The following EVL variants were observed in gnomAD, a reference collection of about 807,000 sequenced individuals.
The protein encoded by EVL is ena/VASP-like protein.
In EVL, 21 loss-of-function variants were observed where a neutral mutation model predicts 59.6. The ratio of observed to expected loss-of-function variants is 0.35; its 90% confidence interval spans 0.25 to 0.51. The LOEUF (loss-of-function observed/expected upper bound fraction) is 0.51. EVL is among the 20% of genes least tolerant of loss of function. The pLI is 0.97. For missense variants in EVL, 462 were observed against 546.6 expected (o/e 0.85, Z 1.54); for synonymous variants, 198 against 203.5 (o/e 0.97, Z 0.23).
At chr14:100,124,241 CCTCA>C (rs972783957) in intron 4 of EVL, among the ~76,000 whole-genome samples, 16 of 152,196 alleles carry the variant, frequency 1.1e-4, no homozygotes, top group African/African-American at 3.4e-4. Context: ...CCCGGGCCTT[CCTCA>C]CTCAGCTTTG....
intron 2 of EVL, among the ~76,000 whole-genome samples, chr14:100,085,718 C>T (rs1156417875): frequency 6.6e-6 from 1 of 152,184 alleles, no homozygotes; most frequent in Non-Finnish European, 1.5e-5. Flanking sequence ...ACTCTGGGTT[C>T]TGTTTTTAGT....
intron 1 of EVL, among the ~76,000 whole-genome samples, chr14:99,990,343 T>C (rs2060867249): frequency 6.6e-6 from 1 of 152,232 alleles, no homozygotes; most frequent in South Asian, 2.1e-4. Context: ...TTAATTTTAA[T>C]TTTTATTGTA....
chr14:100,136,297 G>A (rs1222395432), intron 9 of EVL, among the ~76,000 whole-genome samples: 2 of 152,240 alleles, frequency 1.3e-5, no homozygotes, highest in African/African-American at 4.8e-5. Context: ...GGGCTCCTGA[G>A]GCAGGCTGGG....
chr14:100,100,639 C>T (rs1332470566), intron 3 of EVL, among the ~76,000 whole-genome samples: 1 of 151,952 alleles, frequency 6.6e-6, no homozygotes, highest in Non-Finnish European at 1.5e-5. Flanking sequence ...ATTAGCTTGG[C>T]TTGTTGGCAT....
rs79571938 is a variant in EVL at position 100,066,198 on chromosome 14, A to G, written c.11+687A>G. 3.1e-3 allele frequency among the ~76,000 whole-genome samples: 476 copies of G among 152,338 alleles called. 3 individuals are homozygous for G. The highest frequency in any genetic ancestry group is 0.011 in the Admixed American group (171 of 15,302). ...TTTGGGGCATTTGTTTGATTGACTC[A>G]TGACAGCTTTGTTTTTTAGCATAAA... On this transcript the variant is annotated intron_variant, in intron 1 of 13. Coordinates refer to ENST00000392920, the MANE Select transcript of EVL (RefSeq NM_016337.3).
At position 99,983,256 on chromosome 14, in the gene EVL, CAAAA is replaced by C. The variant is rs547218308; in HGVS notation, c.5+11200_5+11203del. 7.9e-5 allele frequency among the ~76,000 whole-genome samples: 12 copies of C among 152,114 alleles called. No homozygotes were observed. The East Asian group carries it at 1.3e-3, about 17-fold the overall frequency. The stretch of plus-strand genomic sequence containing the variant: ...CATTCTCTATGAAAGATGAAATAGA[CAAAA>C]GAAAGATAAAACAGGAGACATAATA... On this transcript the variant is annotated intron_variant, in intron 1 of 13. Transcript: ENST00000402714.
chr14:99,991,953 G>T (rs1401231602), intron 1 of EVL, among the ~76,000 whole-genome samples: 2 of 103,866 alleles, frequency 1.9e-5, no homozygotes, highest in Non-Finnish European at 3.8e-5. Flanking sequence ...TTGTTTGAGG[G>T]TCAACTCTGT....
chr14:100,022,958 G>C (rs769383102), intron 1 of EVL, among the ~76,000 whole-genome samples: 2 of 152,088 alleles, frequency 1.3e-5, no homozygotes, highest in Non-Finnish European at 2.9e-5. Flanking sequence ...AAGTCATCAC[G>C]TTTCATTAAG....
At chr14:100,087,780 T>C (rs2062478417) in intron 2 of EVL, among the ~76,000 whole-genome samples, 2 of 152,138 alleles carry the variant, frequency 1.3e-5, no homozygotes, top group African/African-American at 4.8e-5. Context: ...TCTGCTCTGC[T>C]CTGCTCTGCT....
At chr14:100,060,380 G>A (rs2061805197) in intron 1 of EVL, among the ~76,000 whole-genome samples, 1 of 147,322 alleles carries the variant, frequency 6.8e-6, no homozygotes, top group South Asian at 2.1e-4. Flanking sequence ...GCAGTGAGCC[G>A]AGATCGCGCC....
chr14:99,979,741 C>T (rs962961494), intron 1 of EVL, among the ~76,000 whole-genome samples: 1 of 152,040 alleles, frequency 6.6e-6, no homozygotes, highest in African/African-American at 2.4e-5. Flanking sequence ...TGGTGGCAGG[C>T]GCCTGTAGTC....
rs1886645091 is a variant in EVL, at chr14:100,107,480, C to T, written c.358+9822C>T. On this transcript the variant is annotated intron_variant, in intron 3 of 13. Coordinates refer to ENST00000392920, the MANE Select transcript of EVL (RefSeq NM_016337.3). ...GACCCAGTGAGGGGGAGGATGTGTGCAGGCCACAGGACAAGTCTGAGCAGA... is the reference window on the plus strand; with the variant it reads ...GACCCAGTGAGGGGGAGGATGTGTGTAGGCCACAGGACAAGTCTGAGCAGA... 5 of 394,560 alleles carry T rather than the reference C, an allele frequency of 1.3e-5. No homozygotes were observed. The East Asian group carries it at 1.8e-4, about 14-fold the overall frequency. The allele number at this position is 394,560 out of a possible 1,614,324, so 24.4% of individuals were successfully genotyped here. A position where few individuals can be genotyped will look rare whatever the true frequency, so the allele number is the denominator to read the frequency against.
rs1400155903 is a variant in EVL at position 100,097,626 on chromosome 14, T to C, written c.326T>C (p.Phe109Ser). 6.2e-7 allele frequency: 1 copy of C among 1,613,606 alleles called. No individual in the cohort carries two copies. Among genetic ancestry groups the C allele is most frequent in the Non-Finnish European group, 8.5e-7 (1 of 1,179,814 alleles). ...EATTFSNAML[F>S]ALNIMNSQEG... ...ACCACGTTCTCCAATGCAATGCTGT[T>C]TGCCCTGAACATCATGAATTCCCAA... is the stretch of plus-strand genomic sequence containing the variant. The change falls in exon 3 of 14, where the codon TTT becomes TCT. Residue 109 changes from phenylalanine to serine, a missense_variant. Coordinates refer to ENST00000392920, the MANE Select transcript of EVL (RefSeq NM_016337.3).
At position 100,049,922 on chromosome 14, in the gene EVL, C is replaced by T. The variant is rs147685438; in HGVS notation, c.6-34765C>T. Among the ~76,000 whole-genome samples the T allele has an allele frequency of 2.9e-3, 446 of 152,316 alleles. 1 individual carries two copies. Among genetic ancestry groups the T allele is most frequent in the African/African-American group, 0.011 (441 of 41,554 alleles). On this transcript the variant is annotated intron_variant, in intron 1 of 13. Transcript: ENST00000402714. The stretch of plus-strand genomic sequence containing the variant: ...GACAATATGTGACCTTTGTGACTGA[C>T]TTCTTTCACGTAGCCTAATGTTCCC...
chr14:100,061,460 C>CAAA (rs869039779), upstream of EVL, among the ~76,000 whole-genome samples: 17 of 64,538 alleles, frequency 2.6e-4, no homozygotes, highest in African/African-American at 1.1e-3. Flanking sequence ...CCTCAGGCTG[C>CAAA]AAAAAAAAAA....
chr14:100,048,828 C>T (rs2061599490), intron 1 of EVL, among the ~76,000 whole-genome samples: 2 of 152,128 alleles, frequency 1.3e-5, no homozygotes, highest in South Asian at 4.1e-4. Context: ...ATAAAGGAGG[C>T]CTATTAAGTC....
intron 1 of EVL, among the ~76,000 whole-genome samples, chr14:99,988,653 A>G (rs1236828506): frequency 6.6e-6 from 1 of 152,240 alleles, no homozygotes; most frequent in African/African-American, 2.4e-5. Flanking sequence ...AGCATTATTC[A>G]TGATAGCCTC....
chr14:100,117,822 C>T (rs1347613913), intron 3 of EVL, among the ~76,000 whole-genome samples: 1 of 152,230 alleles, frequency 6.6e-6, no homozygotes, highest in African/African-American at 2.4e-5. Context: ...CAGTCCTCAG[C>T]TCAGCCACTG....
intron 3 of EVL, among the ~76,000 whole-genome samples, chr14:100,115,534 A>G (rs1271783466): frequency 6.6e-6 from 1 of 152,194 alleles, no homozygotes; most frequent in Non-Finnish European, 1.5e-5. Context: ...CCATCCCCAC[A>G]TCTGTAAGTG....
Sources: gnomAD v4.1 joint callset for allele counts (sites outside exome capture counted in the v4.1 genomes callset) on GRCh38, gnomAD v4.1.1 for gene constraint, MANE v1.5 for transcripts, NCBI Gene and HGNC (gene_info 2026-07-23, HGNC 2026-07-21) for gene names.